NHSL1: variants seen among roughly 807,000 people sequenced by gnomAD.
NHSL1 encodes NHS-like protein 1.
In NHSL1, 48 loss-of-function variants were observed where a neutral mutation model predicts 95.0. That is an observed-to-expected ratio of 0.51 (90% CI 0.40 to 0.64). The LOEUF (loss-of-function observed/expected upper bound fraction) is 0.64. NHSL1 is among the 30% of genes least tolerant of loss of function. The pLI is 0.00. For synonymous variants in NHSL1, 783 were observed against 833.9 expected, an observed-to-expected ratio of 0.94 and a Z score of 1.05; for missense variants, 1,971 against 2,077.7, an observed-to-expected ratio of 0.95 and a Z score of 1.00.
At chr6:138,464,133 C>T (rs1778185956) in intron 3 of NHSL1, 2 of 556,388 alleles carry the variant, frequency 3.6e-6, no homozygotes, top group Non-Finnish European at 6.5e-6. Flanking sequence ...ATCTGGTCCT[C>T]GATCTCACTC....
chr6:138,586,972 C>T (rs954751468), intron 1 of NHSL1, among the ~76,000 whole-genome samples: 2 of 151,510 alleles, frequency 1.3e-5, no homozygotes, highest in South Asian at 2.1e-4. Context: ...TCGTTGGGCG[C>T]GTGTGTTTTT....
chr6:138,598,459 G>GA (rs36008081), intron 1 of NHSL1, among the ~76,000 whole-genome samples: 60,506 of 141,986 alleles, frequency 0.43, 13,532 homozygotes, highest in African/African-American at 0.59. Flanking sequence ...CTCCATCTTG[G>GA]AAAAAAAAAA....
chr6:138,685,866 A>C (rs1785578807), intron 1 of NHSL1, among the ~76,000 whole-genome samples: 1 of 152,138 alleles, frequency 6.6e-6, no homozygotes. Context: ...GCCCAGCTCC[A>C]TTGCTTACCA....
At chr6:138,519,059 TAC>T (rs1367137320) in intron 1 of NHSL1, among the ~76,000 whole-genome samples, 22 of 151,986 alleles carry the variant, frequency 1.4e-4, no homozygotes, top group Admixed American at 5.2e-4. Flanking sequence ...AATACATACA[TAC>T]ATACATAATA....
At chr6:138,657,725 G>A (rs1220371048) in intron 1 of NHSL1, among the ~76,000 whole-genome samples, 1 of 145,408 alleles carries the variant, frequency 6.9e-6, no homozygotes, top group Non-Finnish European at 1.5e-5. Context: ...AGAGGCAGGA[G>A]AATGGTGTGA....
chr6:138,688,098 T>C (rs1427465974), intron 1 of NHSL1, among the ~76,000 whole-genome samples: 1 of 152,114 alleles, frequency 6.6e-6, no homozygotes, highest in Non-Finnish European at 1.5e-5. Flanking sequence ...ATTACAGGCA[T>C]GTGCCCCTAT....
At chr6:138,510,454 T>A (rs1418648689) in intron 1 of NHSL1, among the ~76,000 whole-genome samples, 1 of 152,240 alleles carries the variant, frequency 6.6e-6, no homozygotes, top group African/African-American at 2.4e-5. Flanking sequence ...ATTTGATTAG[T>A]GTTGGATCTT....
At chr6:138,575,119 G>A (rs188936834), upstream of NHSL1, among the ~76,000 whole-genome samples, 408 of 152,112 alleles carry the variant, frequency 2.7e-3, 2 homozygotes, top group Non-Finnish European at 4.8e-3. Flanking sequence ...GGCTGGTCTC[G>A]AACTCCCAAC....
intron 1 of NHSL1, among the ~76,000 whole-genome samples, chr6:138,655,294 C>T (rs1206300200): frequency 2.6e-5 from 4 of 152,168 alleles, no homozygotes; most frequent in East Asian, 1.9e-4. Flanking sequence ...ACCCTCTTCC[C>T]GCAGGACTTG....
At chr6:138,689,161 C>T (rs1485985225) in intron 1 of NHSL1, among the ~76,000 whole-genome samples, 3 of 152,148 alleles carry the variant, frequency 2.0e-5, no homozygotes. Context: ...TCAATTCAAA[C>T]ATCTATTGAG....
chr6:138,509,913 A>G (rs1014005267), intron 1 of NHSL1, among the ~76,000 whole-genome samples: 3 of 152,218 alleles, frequency 2.0e-5, no homozygotes, highest in African/African-American at 7.2e-5. Context: ...CTAAGAAAAA[A>G]ATTTACATCA....
chr6:138,660,732 G>C (rs189860532), intron 1 of NHSL1, among the ~76,000 whole-genome samples: 2 of 151,028 alleles, frequency 1.3e-5, no homozygotes, highest in African/African-American at 4.9e-5. Context: ...CAGGCAGGTG[G>C]ATCACTTGAG....
intron 1 of NHSL1, among the ~76,000 whole-genome samples, chr6:138,543,931 A>T (rs1782681094): frequency 6.6e-6 from 1 of 152,198 alleles, no homozygotes; most frequent in African/African-American, 2.4e-5. Flanking sequence ...TTCAGCGTAA[A>T]AGCACTTAGT....
intron 2 of NHSL1, among the ~76,000 whole-genome samples, chr6:138,474,493 T>G (rs546131648): frequency 3.3e-5 from 5 of 151,762 alleles, no homozygotes; most frequent in Non-Finnish European, 7.4e-5. Flanking sequence ...AAAAAAAAAG[T>G]CCTGATTCTC....
chr6:138,597,784 T>C (rs1248617400), intron 1 of NHSL1, among the ~76,000 whole-genome samples: 4 of 152,206 alleles, frequency 2.6e-5, no homozygotes, highest in Non-Finnish European at 5.9e-5. Flanking sequence ...AGGTAGGACA[T>C]TATATTGACT....
chr6:138,609,605 C>A (rs895759583), intron 1 of NHSL1, among the ~76,000 whole-genome samples: 1 of 151,956 alleles, frequency 6.6e-6, no homozygotes, highest in South Asian at 2.1e-4. Context: ...AAAAAATTAG[C>A]CAGGCCTGGT....
chr6:138,539,383 T>C (rs1782490027), intron 1 of NHSL1, among the ~76,000 whole-genome samples: 1 of 152,198 alleles, frequency 6.6e-6, no homozygotes, highest in Non-Finnish European at 1.5e-5. Context: ...CATACATCTG[T>C]ACCTGGTTAA....
At chr6:138,481,043 G>A (rs1447394926) in intron 2 of NHSL1, among the ~76,000 whole-genome samples, 1 of 152,114 alleles carries the variant, frequency 6.6e-6, no homozygotes, top group Non-Finnish European at 1.5e-5. Context: ...TAAAAGGCCA[G>A]TTCTATCACA....
chr6:138,504,249 GAGAGAGAGAA>G (rs904381156), upstream of NHSL1, among the ~76,000 whole-genome samples: 12 of 152,014 alleles, frequency 7.9e-5, no homozygotes, highest in Non-Finnish European at 1.6e-4. Context: ...AAGAAAGAGA[GAGAGAGAGAA>G]AGAGAGAGAG....
Sources: allele counts gnomAD v4.1 joint callset (sites outside exome capture counted in the v4.1 genomes callset), GRCh38; gene constraint gnomAD v4.1.1; transcripts MANE v1.5; gene names NCBI Gene and HGNC (gene_info 2026-07-23, HGNC 2026-07-21).